The following CFAP74 variants were observed in gnomAD, a reference collection of about 807,000 sequenced individuals.
CFAP74 encodes cilia and flagella associated protein 74, also known as cilia- and flagella-associated protein 74.
A neutral mutation model predicts 188.9 loss-of-function variants in CFAP74; 124 were observed. That is an observed-to-expected ratio of 0.66 (90% CI 0.57 to 0.76). The LOEUF (loss-of-function observed/expected upper bound fraction) is 0.76, where lower values mean the gene tolerates loss of function less well. Ranked by LOEUF, CFAP74 falls within the 30% of genes least tolerant of loss-of-function variation. The probability of loss-of-function intolerance (pLI) is 0.00; values close to 1 mark genes in which losing one functional copy is unlikely to be tolerated. For synonymous variants in CFAP74, 956 were observed against 916.7 expected (o/e 1.04, Z -0.77); for missense variants, 2,198 against 2,165.2 (o/e 1.02, Z -0.30).
At chr1:1,949,378 T>G (rs1358307761) in intron 18 of CFAP74, among the ~76,000 whole-genome samples, 1 of 152,116 alleles carries the variant, frequency 6.6e-6, no homozygotes, top group Non-Finnish European at 1.5e-5. Context: ...CAGGCTGGTC[T>G]TGAACTCCTG....
At chr1:1,934,219 A>T (rs1652637704) in intron 25 of CFAP74, among the ~76,000 whole-genome samples, 1 of 151,554 alleles carries the variant, frequency 6.6e-6, no homozygotes. Context: ...TGTATGTGTG[A>T]GTGTTAGGGT....
At chr1:1,967,784 C>G (rs1655572805) in intron 11 of CFAP74, among the ~76,000 whole-genome samples, 2 of 152,206 alleles carry the variant, frequency 1.3e-5, no homozygotes, top group South Asian at 4.1e-4. Context: ...ACCATCGTCC[C>G]TACCCCACAC....
intron 6 of CFAP74, among the ~76,000 whole-genome samples, chr1:1,981,502 C>T (rs1245575969): frequency 8.1e-6 from 1 of 123,084 alleles, no homozygotes. Flanking sequence ...GCAGGACACC[C>T]AACCACGGAC....
intron 4 of CFAP74, 66 bp from the exon 5 acceptor site, chr1:1,987,101 G>A (rs1657289746): frequency 7.3e-7 from 1 of 1,376,548 alleles, no homozygotes; most frequent in African/African-American, 1.4e-5. Context: ...GTGACAGTGG[G>A]CGTGGCAATG....
In CFAP74 at chr1:1,956,645, T is replaced by G; in HGVS notation, c.1991A>C (p.Asp664Ala). The G allele has an allele frequency of 6.2e-7, 1 of 1,614,158 alleles. No individual in the cohort carries two copies. The highest frequency in any genetic ancestry group is 8.5e-7 in the Non-Finnish European group (1 of 1,180,026). Residue 664 changes from aspartate to alanine, a missense_variant, in exon 17 of 39, where the codon GAC (aspartate) becomes GCC (alanine). Physicochemically the swap from Asp to Ala is moderately radical, Grantham distance 126. Coordinates refer to ENST00000682832, the MANE Select transcript of CFAP74 (RefSeq NM_001304360.2). ...FLPASEPCEM[D>A]DSQSALKLSS... is the part of the protein sequence containing the mutation. ...TAATTTCAGGGCAGACTGGGAGTCG[T>G]CCATCTCACAGGGCTCTGAAGCTGG...
intron 25 of CFAP74, 138 bp downstream of exon 25, chr1:1,938,717 G>A (rs926575094): frequency 2.2e-5 from 22 of 1,006,242 alleles, no homozygotes; most frequent in African/African-American, 3.3e-5. Context: ...CCTGCTGGCC[G>A]GCAGTGCTGC....
In CFAP74 at chr1:1,930,288, C is replaced by T. The variant is rs1291959829; in HGVS notation, c.3060G>A (p.Glu1020=). The T allele has an allele frequency of 6.5e-7, 1 of 1,534,264 alleles. No individual in the cohort carries two copies. Among genetic ancestry groups the T allele is most frequent in the South Asian group, 1.2e-5 (1 of 84,016 alleles). ...CAAACTTGATCTGGTAGTGGGACAGCTCCAGGGGTGGGTGGACGCCTACAG... is the reference window on the plus strand; with the variant it reads ...CAAACTTGATCTGGTAGTGGGACAGTTCCAGGGGTGGGTGGACGCCTACAG... The part of the protein sequence containing the change: ...CRAVGVHPPL[E]LSHYQIKFAA... The change falls in exon 26 of 39, where the codon GAG becomes GAA. Residue 1020 remains glutamate, a synonymous_variant. Transcript: ENST00000682832.
Position 1,966,484 on chromosome 1 carries a change from CCAG to C in CFAP74, c.1285_1287del (p.Leu429del). The stretch of plus-strand genomic sequence containing the variant: ...TGGATAAGCTCACTGGAAACGACTT[CCAG>C]CAACCGAGAGGGCCCGGGGCCTGCA... On this transcript the variant is annotated inframe_deletion, in exon 12 of 39. Transcript: ENST00000682832. 6.2e-7 allele frequency: 1 copy of C among 1,600,134 alleles called. No homozygotes were observed. Among genetic ancestry groups the C allele is most frequent in the Non-Finnish European group, 8.5e-7 (1 of 1,171,550 alleles).
chr1:1,941,862 A>C (rs1374800168), intron 22 of CFAP74, among the ~76,000 whole-genome samples, 166 bp downstream of exon 22: 1 of 152,252 alleles, frequency 6.6e-6, no homozygotes, highest in Non-Finnish European at 1.5e-5. Context: ...CCACAGACCC[A>C]GCTGTGACTG....
chr1:1,949,119 CTT>C (rs1183069569), intron 18 of CFAP74, among the ~76,000 whole-genome samples: 67 of 112,672 alleles, frequency 5.9e-4, no homozygotes, highest in Non-Finnish European at 7.3e-4. Flanking sequence ...CCTTTCCTTT[CTT>C]CCCTTCCCTC....
intron 24 of CFAP74, among the ~76,000 whole-genome samples, chr1:1,939,198 ATG>A (rs1653178973): frequency 6.6e-6 from 1 of 152,218 alleles, no homozygotes; most frequent in African/African-American, 2.4e-5. Context: ...GAGCATGTGC[ATG>A]TGTGTGCACG....
chr1:1,982,676 G>A (rs1344194030), intron 6 of CFAP74, among the ~76,000 whole-genome samples: 2 of 152,230 alleles, frequency 1.3e-5, no homozygotes, highest in East Asian at 1.9e-4. Flanking sequence ...CGGGCAGTCC[G>A]GCAGCAGCCG....
At position 1,930,352 on chromosome 1, in the gene CFAP74, T is replaced by G. The variant is rs1045364573; in HGVS notation, c.3012-16A>C. Reference sequence around the variant, plus strand: ...CTTGAAGCACCTGCAAGCAGCAGCATGGGAGGCCCTCAGCCGTGCAGGGCG... The same window carrying G: ...CTTGAAGCACCTGCAAGCAGCAGCAGGGGAGGCCCTCAGCCGTGCAGGGCG... On this transcript the variant is annotated splice_polypyrimidine_tract_variant and intron_variant, in intron 25 of 38. Transcript: ENST00000682832. 9.3e-6 allele frequency: 14 copies of G among 1,508,780 alleles called. No individual in the cohort carries two copies. The African/African-American group carries it at 1.8e-4, about 19-fold the overall frequency. 93.5% of individuals were successfully genotyped at this position (1,508,780 alleles called of 1,614,324 possible). A position where few individuals can be genotyped will look rare whatever the true frequency, so the allele number is the denominator to read the frequency against.
At chr1:1,951,795 G>A (rs904116249) in intron 18 of CFAP74, among the ~76,000 whole-genome samples, 6 of 152,182 alleles carry the variant, frequency 3.9e-5, no homozygotes, top group African/African-American at 1.4e-4. Context: ...TGATGGCCAG[G>A]TGCAGTGGCT....
intron 1 of CFAP74, among the ~76,000 whole-genome samples, chr1:2,000,770 T>C (rs554771508): frequency 9.7e-4 from 148 of 152,262 alleles, no homozygotes; most frequent in African/African-American, 3.2e-3. Context: ...ACTCACCCTA[T>C]TCTAGTATGT....
At position 1,963,872 on chromosome 1, in the gene CFAP74, G is replaced by C; in HGVS notation, c.1576-5C>G. 1 of 1,592,390 alleles carries C rather than the reference G, an allele frequency of 6.3e-7. No homozygotes were observed. The highest frequency in any genetic ancestry group is 8.6e-7 in the Non-Finnish European group (1 of 1,160,536). ...CACTTTGCCAATATCAAAGTCCTGG[G>C]AAAGGCCGAGGTAGCAGCTTCAGAG... On this transcript the variant is annotated splice_polypyrimidine_tract_variant and splice_region_variant and intron_variant, in intron 13 of 38. Transcript: ENST00000682832.
intron 28 of CFAP74, chr1:1,927,393 G>T: frequency 1.7e-6 from 1 of 592,764 alleles, no homozygotes; most frequent in Non-Finnish European, 3.0e-6. Flanking sequence ...CCCGTGGATT[G>T]AGGCTGTGTG....
chr1:1,960,086 G>C (rs186377657), intron 14 of CFAP74, 56 bp from the exon 15 acceptor site: 1 of 1,458,216 alleles, frequency 6.9e-7, no homozygotes, highest in Non-Finnish European at 9.5e-7. Flanking sequence ...GCAGACGCTC[G>C]CCTCACCACC....
In CFAP74 at chr1:1,991,348, A is replaced by T. The variant is rs1657553652; in HGVS notation, c.-19-373T>A. Among the ~76,000 whole-genome samples, 3 of 152,244 alleles carry T rather than the reference A, an allele frequency of 2.0e-5. No homozygotes were observed. In the South Asian group the frequency reaches 6.2e-4, roughly 31 times the overall value. On this transcript the variant is annotated intron_variant, in intron 1 of 38. Coordinates refer to ENST00000682832, the MANE Select transcript of CFAP74 (RefSeq NM_001304360.2). ...CACTGCACTCCAGCCTGGGCAACAG[A>T]GTGAGACCCTGTCACAAAAGAAAAA...
Sources: gnomAD v4.1 joint callset for allele counts (sites outside exome capture counted in the v4.1 genomes callset) on GRCh38, gnomAD v4.1.1 for gene constraint, MANE v1.5 for transcripts, NCBI Gene and HGNC (gene_info 2026-07-23, HGNC 2026-07-21) for gene names.